PDE7A: variants seen among roughly 807,000 people sequenced by gnomAD.
PDE7A encodes the protein high affinity 3',5'-cyclic-AMP phosphodiesterase 7A.
In PDE7A, 39 loss-of-function variants were observed where a neutral mutation model predicts 64.3. The ratio of observed to expected loss-of-function variants is 0.61; its 90% CI spans 0.47 to 0.79. PDE7A has a LOEUF of 0.79. Among genes scored for constraint, PDE7A ranks in the 30% least tolerant of loss-of-function variants. PDE7A has a pLI of 0.00. For missense variants in PDE7A, 470 were observed against 582.8 expected, an observed-to-expected ratio of 0.81 and a Z score of 1.99; for synonymous variants, 203 against 206.8, an observed-to-expected ratio of 0.98 and a Z score of 0.16.
At chr8:65,776,811 A>G (rs1207778893) in intron 3 of PDE7A, among the ~76,000 whole-genome samples, 2 of 152,186 alleles carry the variant, frequency 1.3e-5, no homozygotes, top group African/African-American at 4.8e-5. Flanking sequence ...CATAAAAATG[A>G]TACTTTTTCT....
chr8:65,723,392 A>G, intron 12 of PDE7A, 149 bp downstream of exon 12: 1 of 713,314 alleles, frequency 1.4e-6, no homozygotes, highest in Non-Finnish European at 2.0e-6. Context: ...AAGAGCCATA[A>G]CAAGGGAAAA....
chr8:65,788,844 T>C lies in PDE7A; in HGVS notation c.139-6001A>G, dbSNP rs1809628069. On this transcript the variant is annotated intron_variant, in intron 1 of 12. Coordinates refer to ENST00000401827, the MANE Select transcript of PDE7A (RefSeq NM_001242318.3). ...AATTCCTATCAAATATGTAAACTAA[T>C]GATGAATGTCACCATCCTAAAAATA... The C allele has an allele frequency of 5.9e-6, 8 of 1,351,106 alleles. No individual in the cohort carries two copies. The South Asian group carries it at 7.1e-5, about 12-fold the overall frequency. The allele number at this position is 1,351,106 out of a possible 1,614,324, so 83.7% of individuals were successfully genotyped here.
chr8:65,776,517 T>G (rs1187023448), intron 3 of PDE7A, among the ~76,000 whole-genome samples: 1 of 152,184 alleles, frequency 6.6e-6, no homozygotes, highest in African/African-American at 2.4e-5. Flanking sequence ...CTTTAAATAC[T>G]GAATCCTCCA....
intron 1 of PDE7A, among the ~76,000 whole-genome samples, chr8:65,808,468 GT>G (rs1020769264): frequency 7.3e-5 from 11 of 151,550 alleles, no homozygotes; most frequent in East Asian, 5.8e-4. Context: ...GACATTATAA[GT>G]TTTTTTTTAA....
intron 1 of PDE7A, among the ~76,000 whole-genome samples, chr8:65,817,035 A>G (rs1020821284): frequency 2.6e-5 from 4 of 152,156 alleles, no homozygotes; most frequent in Non-Finnish European, 5.9e-5. Flanking sequence ...AAGATCGAAT[A>G]ATTTCTACTG....
rs1036575377 is a variant in PDE7A at position 65,718,943 on chromosome 8, T to C, written c.*347A>G. 1.0e-5 allele frequency: 3 copies of C among 290,456 alleles called. No homozygotes were observed. The highest frequency in any genetic ancestry group is 2.1e-5 in the African/African-American group (1 of 46,790). 18.0% of individuals were successfully genotyped at this position (290,456 alleles called of 1,614,324 possible). ...ATCAGACTGGTTAAATTCCAAGAGATTGTTGCTGAACAATTCAAGTTTCAC... is the reference window on the plus strand; with the variant it reads ...ATCAGACTGGTTAAATTCCAAGAGACTGTTGCTGAACAATTCAAGTTTCAC... On this transcript the variant is annotated 3_prime_UTR_variant, in exon 13 of 13. Transcript: ENST00000401827.
intron 3 of PDE7A, among the ~76,000 whole-genome samples, chr8:65,749,067 T>G (rs1250682004): frequency 6.6e-6 from 1 of 152,236 alleles, no homozygotes; most frequent in Non-Finnish European, 1.5e-5. Flanking sequence ...TCACCTTCCC[T>G]GGGAAGCACA....
intron 1 of PDE7A, among the ~76,000 whole-genome samples, chr8:65,805,801 T>C (rs1209916409): frequency 6.6e-6 from 1 of 152,208 alleles, no homozygotes; most frequent in Non-Finnish European, 1.5e-5. Context: ...CTGGATATGT[T>C]AGCCGCCTTC....
intron 1 of PDE7A, among the ~76,000 whole-genome samples, chr8:65,832,169 T>G (rs1810843190): frequency 6.6e-6 from 1 of 152,230 alleles, no homozygotes; most frequent in African/African-American, 2.4e-5. Flanking sequence ...CAAATCATTT[T>G]AGTGGATATA....
chr8:65,818,865 C>T (rs1373782958), intron 1 of PDE7A, among the ~76,000 whole-genome samples: 1 of 152,122 alleles, frequency 6.6e-6, no homozygotes, highest in African/African-American at 2.4e-5. Context: ...ACAACATTAC[C>T]CACCACTCCA....
chr8:65,740,744 A>T (rs2128902086), intron 5 of PDE7A, among the ~76,000 whole-genome samples: 1 of 152,244 alleles, frequency 6.6e-6, no homozygotes, highest in Admixed American at 6.5e-5. Flanking sequence ...ACACCTCCTC[A>T]GAGATATTCC....
At chr8:65,745,875 T>C (rs1807649315) in intron 4 of PDE7A, among the ~76,000 whole-genome samples, 1 of 152,222 alleles carries the variant, frequency 6.6e-6, no homozygotes, top group Non-Finnish European at 1.5e-5. Context: ...TTCCAGGTAC[T>C]GTTATAAGTT....
At position 65,716,993 on chromosome 8, in the gene PDE7A, A is replaced by C. The variant is rs1165232942; in HGVS notation, c.*2297T>G. ...AAATTGAGATGTGCTGTAAGTACAC[A>C]ATATACACTGGATTTCAAAGACTTA... is the stretch of plus-strand genomic sequence containing the variant. On this transcript the variant is annotated 3_prime_UTR_variant, in exon 13 of 13. Coordinates refer to ENST00000401827, the MANE Select transcript of PDE7A (RefSeq NM_001242318.3). Among the ~76,000 whole-genome samples, 1 of 152,228 alleles carries C rather than the reference A, an allele frequency of 6.6e-6. No individual in the cohort carries two copies. The highest frequency in any genetic ancestry group is 1.5e-5 in the Non-Finnish European group (1 of 68,038).
At chr8:65,745,207 G>A (rs1357811218) in intron 5 of PDE7A, among the ~76,000 whole-genome samples, 200 bp downstream of exon 5, 7 of 152,184 alleles carry the variant, frequency 4.6e-5, no homozygotes, top group African/African-American at 1.7e-4. Context: ...ATGGAACTAT[G>A]AGTCCATTAA....
intron 3 of PDE7A, among the ~76,000 whole-genome samples, chr8:65,767,145 C>A (rs1047762996): frequency 1.1e-4 from 16 of 152,146 alleles, no homozygotes; most frequent in Admixed American, 8.5e-4. Context: ...AATCTTGTAG[C>A]CCTCAACACC....
intron 1 of PDE7A, among the ~76,000 whole-genome samples, chr8:65,783,828 AGTCAC>A (rs1809480548): frequency 6.6e-6 from 1 of 152,234 alleles, no homozygotes; most frequent in African/African-American, 2.4e-5. Flanking sequence ...TGAATAAATT[AGTCAC>A]TAACAGAATG....
chr8:65,795,454 C>T (rs762879454), intron 1 of PDE7A, among the ~76,000 whole-genome samples: 3 of 152,200 alleles, frequency 2.0e-5, no homozygotes, highest in Non-Finnish European at 4.4e-5. Flanking sequence ...CCCCTTGAAT[C>T]TTTGGCTGAA....
At chr8:65,774,175 A>C (rs900216732) in intron 3 of PDE7A, among the ~76,000 whole-genome samples, 6 of 152,232 alleles carry the variant, frequency 3.9e-5, no homozygotes, top group African/African-American at 1.4e-4. Flanking sequence ...GTTATTGCAG[A>C]AAAACTATGT....
At chr8:65,779,339 A>G (rs1347711868) in intron 3 of PDE7A, among the ~76,000 whole-genome samples, 3 of 152,264 alleles carry the variant, frequency 2.0e-5, no homozygotes, top group Non-Finnish European at 4.4e-5. Flanking sequence ...ATTTTCAAAT[A>G]AACCTAAAAG....
Sources: gnomAD v4.1 joint callset for allele counts (sites outside exome capture counted in the v4.1 genomes callset) on GRCh38, gnomAD v4.1.1 for gene constraint, MANE v1.5 for transcripts, NCBI Gene and HGNC (gene_info 2026-07-23, HGNC 2026-07-21) for gene names.